The following ESRP1 variants were observed in gnomAD, a reference collection of about 807,000 sequenced individuals.
ESRP1 encodes the protein RNA-binding motif protein 35A.
Under a neutral mutation model 81.7 loss-of-function variants are expected in ESRP1, and 33 were observed. The observed-to-expected ratio is 0.40, with a 90% CI of 0.31 to 0.54. The LOEUF (loss-of-function observed/expected upper bound fraction) is 0.54, where lower values mean the gene tolerates loss of function less well. Ranked by LOEUF, ESRP1 falls within the 20% of genes least tolerant of loss-of-function variation. The pLI, the probability that ESRP1 is intolerant of heterozygous loss-of-function variation, is 0.41. For synonymous variants in ESRP1, 320 were observed against 303.3 expected, an observed-to-expected ratio of 1.06 and a Z score of -0.57; for missense variants, 672 against 833.1, an observed-to-expected ratio of 0.81 and a Z score of 2.38.
At chr8:94,678,463 AT>A (rs1808731309) in intron 13 of ESRP1, 92 bp downstream of exon 13, 10 of 1,451,012 alleles carry the variant, frequency 6.9e-6, no homozygotes, top group Non-Finnish European at 8.4e-6. Context: ...ATTGTCTGCC[AT>A]GTTGAAGGTT....
chr8:94,695,378 G>A (rs1476182649), intron 14 of ESRP1, among the ~76,000 whole-genome samples: 3 of 74,660 alleles, frequency 4.0e-5, no homozygotes, highest in Admixed American at 2.1e-4. Context: ...TTTTTGAGAC[G>A]GAGTCTCACT....
chr8:94,705,903 C>CTTTTT, intron 15 of ESRP1, 22 bp from the exon 16 acceptor site: 18 of 1,368,406 alleles, frequency 1.3e-5, no homozygotes, highest in South Asian at 7.2e-5. Flanking sequence ...CTTTTATTCA[C>CTTTTT]TTTTTTTTTT....
chr8:94,659,592 A>G (rs1299098517), intron 4 of ESRP1, among the ~76,000 whole-genome samples: 1 of 152,248 alleles, frequency 6.6e-6, no homozygotes, highest in East Asian at 1.9e-4. Flanking sequence ...AAAGCTAGAC[A>G]TGATTAAGCT....
chr8:94,677,666 G>A (rs1161446600), intron 12 of ESRP1, among the ~76,000 whole-genome samples: 1 of 152,146 alleles, frequency 6.6e-6, no homozygotes, highest in Non-Finnish European at 1.5e-5. Context: ...GAATTGATCT[G>A]CTTGTTTCTT....
intron 10 of ESRP1, among the ~76,000 whole-genome samples, chr8:94,669,169 C>T (rs1365715823): frequency 3.9e-5 from 6 of 152,178 alleles, no homozygotes; most frequent in African/African-American, 1.2e-4. Flanking sequence ...TTTATAGAAT[C>T]TCAAGCTTTT....
At chr8:94,697,815 A>G (rs1396760970) in intron 15 of ESRP1, among the ~76,000 whole-genome samples, 2 of 151,892 alleles carry the variant, frequency 1.3e-5, no homozygotes, top group Non-Finnish European at 2.9e-5. Context: ...AGAGTCTTAC[A>G]CTGTTGCCCG....
At chr8:94,693,528 A>T (rs147196363) in intron 14 of ESRP1, among the ~76,000 whole-genome samples, 83 of 152,358 alleles carry the variant, frequency 5.4e-4, no homozygotes, top group African/African-American at 1.9e-3. Flanking sequence ...CTCAAGTCAC[A>T]TAATTACCTA....
At chr8:94,681,953 T>C (rs2052721) in intron 13 of ESRP1, among the ~76,000 whole-genome samples, 52,012 of 152,074 alleles carry the variant, frequency 0.34, 9,542 homozygotes, top group East Asian at 0.56. Context: ...AAATAAATGA[T>C]GCTGTCACAA....
intron 13 of ESRP1, among the ~76,000 whole-genome samples, chr8:94,682,904 T>TTTTATATA (rs1452052553): frequency 6.7e-4 from 20 of 29,848 alleles, no homozygotes; most frequent in African/African-American, 3.4e-3. Context: ...ATTCATTATT[T>TTTTATATA]TATATATATA....
chr8:94,689,053 C>A (rs1809263145), intron 13 of ESRP1, among the ~76,000 whole-genome samples: 2 of 152,074 alleles, frequency 1.3e-5, no homozygotes, highest in Admixed American at 1.3e-4. Context: ...TAGTTTGAGA[C>A]CAGCCTGGCC....
chr8:94,695,360 T>TC, intron 14 of ESRP1, among the ~76,000 whole-genome samples: 1 of 71,644 alleles, frequency 1.4e-5, no homozygotes, highest in Non-Finnish European at 3.0e-5. Context: ...TTTTTTTTTT[T>TC]TTTTTTTTTT....
At position 94,664,951 on chromosome 8, in the gene ESRP1, T is replaced by C. The variant is rs376791493; in HGVS notation, c.780T>C (p.Asn260=). ...IAKGGAALCL[N]AQGRRNGEAL... is the part of the protein sequence containing the mutation. The stretch of plus-strand genomic sequence containing the variant: ...GGGGAGGTGCAGCACTTTGTCTGAA[T>C]GCTCAGGGTCGAAGGAACGGAGAAG... Residue 260 remains asparagine, a synonymous_variant, in exon 8 of 16, where the codon AAT becomes AAC. Coordinates refer to ENST00000433389, the MANE Select transcript of ESRP1 (RefSeq NM_017697.4). 4 of 1,613,744 alleles carry C rather than the reference T, an allele frequency of 2.5e-6. No homozygotes were observed. Among genetic ancestry groups the C allele is most frequent in the Admixed American group, 1.7e-5 (1 of 59,994 alleles).
In ESRP1 at chr8:94,674,413, G is replaced by T. The variant is rs944655288; in HGVS notation, c.1558G>T (p.Val520Phe). 6.2e-7 allele frequency: 1 copy of T among 1,613,908 alleles called. No homozygotes were observed. Among genetic ancestry groups the T allele is most frequent in the African/African-American group, 1.3e-5 (1 of 74,934 alleles). The change falls in exon 12 of 16, where the codon GTC (valine) becomes TTC (phenylalanine). Residue 520 changes from valine (V) to phenylalanine (F), a missense_variant. Val to Phe is a conservative substitution (Grantham distance 50). Transcript: ENST00000433389. ...KKNMKDRYVE[V>F]FQCSAEEMNF... The stretch of plus-strand genomic sequence containing the variant: ...AAACATGAAGGACAGATATGTTGAA[G>T]TCTTTCAGTGTTCAGCTGAGGAGAT...
chr8:94,662,529 G>C lies in ESRP1; in HGVS notation c.618G>C (p.Val206=), dbSNP rs753093658. The change falls in exon 6 of 16, where the codon GTG becomes GTC. Residue 206 remains valine (V), a synonymous_variant. Transcript: ENST00000433389. The stretch of plus-strand genomic sequence containing the variant: ...ACAGGTTTTCAGATCCAGAGAGAGT[G>C]AATTACAAGTTTGAAAGTGGAACTT... ...YNHRFSDPER[V]NYKFESGTCS... The C allele has an allele frequency of 1.3e-4, 217 of 1,608,648 alleles. No individual in the cohort carries two copies. The highest frequency in any genetic ancestry group is 7.0e-4 in the South Asian group (63 of 90,014).
In ESRP1 at chr8:94,662,307, T is replaced by C; in HGVS notation, c.526T>C (p.Tyr176His). The C allele has an allele frequency of 6.3e-7, 1 of 1,583,714 alleles. No homozygotes were observed. Among genetic ancestry groups the C allele is most frequent in the Non-Finnish European group, 8.6e-7 (1 of 1,163,534 alleles). Residue 176 changes from tyrosine (Y) to histidine (H), a missense_variant, in exon 5 of 16, where the codon TAT becomes CAT. Coordinates refer to ENST00000433389, the MANE Select transcript of ESRP1 (RefSeq NM_017697.4). ...TGAGAAGAGTAGTTCAGTCTCTCGA[T>C]ATGGAGCCTCTCAAGTTGAAGATAT... ...NFEKSSSVSR[Y>H]GASQVEDMGN...
At chr8:94,641,511 T>G in intron 1 of ESRP1, 61 bp downstream of exon 1, 1 of 1,607,498 alleles carries the variant, frequency 6.2e-7, no homozygotes, top group Non-Finnish European at 8.5e-7. Flanking sequence ...TGGTAGAGGT[T>G]TGGGCGGGGA....
chr8:94,647,869 T>A (rs1054836323), intron 4 of ESRP1, among the ~76,000 whole-genome samples: 2 of 152,114 alleles, frequency 1.3e-5, no homozygotes, highest in Admixed American at 1.3e-4. Flanking sequence ...TGGCTGGACA[T>A]GGTGGCTTAT....
chr8:94,687,211 T>A (rs1809178020), intron 13 of ESRP1, among the ~76,000 whole-genome samples: 1 of 152,192 alleles, frequency 6.6e-6, no homozygotes, highest in Non-Finnish European at 1.5e-5. Flanking sequence ...ATTTTCTATT[T>A]CTATAGATTT....
chr8:94,690,113 C>T (rs1337922361), intron 13 of ESRP1, among the ~76,000 whole-genome samples: 5 of 134,828 alleles, frequency 3.7e-5, no homozygotes, highest in Non-Finnish European at 8.2e-5. Flanking sequence ...CCACCGTGCC[C>T]GGCCTAATTT....
Sources: gnomAD v4.1 joint callset for allele counts (sites outside exome capture counted in the v4.1 genomes callset) on GRCh38, gnomAD v4.1.1 for gene constraint, MANE v1.5 for transcripts, NCBI Gene and HGNC (gene_info 2026-07-23, HGNC 2026-07-21) for gene names.